The following RAD54L2 variants were observed in gnomAD, a reference collection of about 807,000 sequenced individuals.
The protein encoded by RAD54L2 is RAD54 like 2.
Under a neutral mutation model 138.4 loss-of-function variants are expected in RAD54L2, and 27 were observed. The ratio of observed to expected loss-of-function variants is 0.20; its 90% CI spans 0.14 to 0.27. RAD54L2 has a LOEUF of 0.27. Ranked by LOEUF, RAD54L2 falls within the 10% of genes least tolerant of loss-of-function variation. The pLI is 1.00. For missense variants in RAD54L2, 1,396 were observed against 1,890.2 expected, an observed-to-expected ratio of 0.74 and a Z score of 4.85; for synonymous variants, 644 against 723.2, an observed-to-expected ratio of 0.89 and a Z score of 1.76.
In RAD54L2 at chr3:51,638,350, A is replaced by G. The variant is rs1244921116; in HGVS notation, c.1860+29A>G. The G allele has an allele frequency of 6.2e-7, 1 of 1,611,694 alleles. No individual in the cohort carries two copies. Among genetic ancestry groups the G allele is most frequent in the Admixed American group, 1.7e-5 (1 of 59,988 alleles). On this transcript the variant is annotated intron_variant, in intron 12 of 22. Transcript: ENST00000684192. This position sits in a 1 kb window ranked among gnomAD's most constrained non-coding sequence, Gnocchi z 4.3. ...CATTGGGGCCTCAGGGAAGATTGAGATGGGGACTAAGGATACACATGGTCC... is the reference window on the plus strand; with the variant it reads ...CATTGGGGCCTCAGGGAAGATTGAGGTGGGGACTAAGGATACACATGGTCC...
Position 51,665,019 on chromosome 3 carries a change from C to A in RAD54L2, c.*1599C>A, listed in dbSNP as rs1030181629. 1 of 151,942 alleles carries A rather than the reference C, an allele frequency of 6.6e-6. No homozygotes were observed. Among genetic ancestry groups the A allele is most frequent in the African/African-American group, 2.4e-5 (1 of 41,332 alleles). The allele number at this position is 151,942 out of a possible 1,614,324, so 9.4% of individuals were successfully genotyped here. A position where few individuals can be genotyped will look rare whatever the true frequency, so the allele number is the denominator to read the frequency against. On this transcript the variant is annotated 3_prime_UTR_variant, in exon 23 of 23. Transcript: ENST00000684192. ...CATCTTTGAAGGAACATGGAGGAGC[C>A]CTTTCTCTGTAGGAGCCCTAAGTCT...
rs375707849 is a variant in RAD54L2 at position 51,646,384 on chromosome 3, C to T, written c.2929C>T (p.Arg977Cys). ...AAKKSYEEDK[R>C]TSVPYTRPSY... ...AAAGAAAAGCTATGAGGAAGACAAA[C>T]GCACATCAGTCCCCTATACCCGCCC... Residue 977 changes from arginine to cysteine, a missense_variant, in exon 19 of 23, where the codon CGC becomes TGC. This residue lies in a region of RAD54L2 where 634 missense variants were observed against 711.2 expected (regional missense o/e 0.89). Coordinates refer to ENST00000684192, the MANE Select transcript of RAD54L2 (RefSeq NM_015106.4). 13 of 1,613,502 alleles carry T rather than the reference C, an allele frequency of 8.1e-6. No individual in the cohort carries two copies. The highest frequency in any genetic ancestry group is 1.6e-4 in the Middle Eastern group (1 of 6,084).
rs754413740 is a variant in RAD54L2 at position 51,637,522 on chromosome 3, C to A, written c.1682+19C>A. On this transcript the variant is annotated intron_variant, in intron 11 of 22. Transcript: ENST00000684192. The surrounding 1 kb of genome is among the most constrained non-coding windows in gnomAD (Gnocchi z 5.9). ...TGCAGAGGTGAGCCATCCTCAGGGT[C>A]CTGCTTCCTGAATTTTCAGAGGGCC... 1.3e-6 allele frequency: 2 copies of A among 1,590,850 alleles called. No homozygotes were observed. The highest frequency in any genetic ancestry group is 2.3e-5 in the East Asian group (1 of 44,082).
At chr3:51,596,179 C>T (rs1185485531) in intron 3 of RAD54L2, among the ~76,000 whole-genome samples, 3 of 63,642 alleles carry the variant, frequency 4.7e-5, no homozygotes, top group Non-Finnish European at 1.0e-4. Context: ...CCACCCACCT[C>T]GGCCTCCCAA....
At position 51,558,473 on chromosome 3, in the gene RAD54L2, C is replaced by CTCTT. The variant is rs1210985170; in HGVS notation, c.-55+16826_-55+16827insTTCT. Among the ~76,000 whole-genome samples the CTCTT allele has an allele frequency of 1.5e-3, 223 of 151,556 alleles. 1 individual carries two copies. The highest frequency in any genetic ancestry group is 5.1e-3 in the African/African-American group (212 of 41,266). On this transcript the variant is annotated intron_variant, in intron 2 of 22. Transcript: ENST00000684192. ...TGAAGGTCCACTTCTCTCTCTCTCTCTCTCTTTTTTGAGACAGGGTCTTGC... is the reference window on the plus strand; with the variant it reads ...TGAAGGTCCACTTCTCTCTCTCTCTCTCTTTCTCTTTTTTGAGACAGGGTCTTGC...
chr3:51,622,739 G>T (rs890256264), intron 3 of RAD54L2, among the ~76,000 whole-genome samples: 4 of 152,196 alleles, frequency 2.6e-5, no homozygotes, highest in Non-Finnish European at 5.9e-5. Context: ...CAGGACAGGG[G>T]TTGACTTCTG....
chr3:51,641,849 C>G lies in RAD54L2; in HGVS notation c.2332C>G (p.Arg778Gly), dbSNP rs773432631. 1.3e-6 allele frequency: 2 copies of G among 1,588,208 alleles called. No individual in the cohort carries two copies. Among genetic ancestry groups the G allele is most frequent in the South Asian group, 1.2e-5 (1 of 86,900 alleles). The stretch of plus-strand genomic sequence containing the variant: ...GGGGCAAGGAGCACAGAAGTGGGTT[C>G]GAAACATCAGCTACTTCCGTGAGTT... ...TEGQGAQKWV[R>G]NISYFRLDGS... Residue 778 changes from arginine to glycine, a missense_variant, in exon 15 of 23, where the codon CGA (arginine) becomes GGA (glycine). This residue lies in a region of RAD54L2 where 211 missense variants were observed against 273.8 expected (regional missense o/e 0.77). Transcript: ENST00000684192.
chr3:51,579,364 A>T (rs1003236529), intron 2 of RAD54L2, among the ~76,000 whole-genome samples: 3 of 152,102 alleles, frequency 2.0e-5, no homozygotes, highest in Non-Finnish European at 2.9e-5. Context: ...ACTTTGGGCC[A>T]TGGTTCCAGG....
intron 2 of RAD54L2, among the ~76,000 whole-genome samples, chr3:51,558,488 C>A (rs946685807): frequency 6.8e-6 from 1 of 147,036 alleles, no homozygotes; most frequent in African/African-American, 2.5e-5. Flanking sequence ...TTTTTTGAGA[C>A]AGGGTCTTGC....
chr3:51,544,401 T>C lies in RAD54L2; in HGVS notation c.-55+2751T>C, dbSNP rs2053226. Among the ~76,000 whole-genome samples, 264 of 152,342 alleles carry C rather than the reference T, an allele frequency of 1.7e-3. 1 individual carries two copies. Among genetic ancestry groups the C allele is most frequent in the Admixed American group, 0.011 (175 of 15,288 alleles). On this transcript the variant is annotated intron_variant, in intron 2 of 22. Coordinates refer to ENST00000684192, the MANE Select transcript of RAD54L2 (RefSeq NM_015106.4). ...TCATAATTTTGAGGCTGGAGGGCTA[T>C]TACTTGCTTTTTTGGGTCTTGCAAA...
At chr3:51,577,284 A>G (rs1699501559) in intron 2 of RAD54L2, among the ~76,000 whole-genome samples, 1 of 152,214 alleles carries the variant, frequency 6.6e-6, no homozygotes, top group Non-Finnish European at 1.5e-5. Context: ...CAATTTTGGA[A>G]TAAGTGTGAT....
chr3:51,563,029 A>T (rs1380561568), intron 2 of RAD54L2, among the ~76,000 whole-genome samples: 1 of 152,124 alleles, frequency 6.6e-6, no homozygotes, highest in East Asian at 1.9e-4. Flanking sequence ...TCTTTCTTCA[A>T]AACTCTCTTT....
chr3:51,641,238 T>C (rs1307174368), intron 14 of RAD54L2, among the ~76,000 whole-genome samples: 1 of 152,164 alleles, frequency 6.6e-6, no homozygotes, highest in Non-Finnish European at 1.5e-5. Context: ...ACTCCTGACC[T>C]CAGGTGATCC....
intron 3 of RAD54L2, among the ~76,000 whole-genome samples, chr3:51,602,276 C>T (rs1324430831): frequency 1.3e-5 from 2 of 152,096 alleles, no homozygotes; most frequent in African/African-American, 4.8e-5. Context: ...TTCCGTCAGA[C>T]TACTGACTAT....
chr3:51,644,644 C>A (rs576195141), intron 16 of RAD54L2, among the ~76,000 whole-genome samples: 20 of 152,310 alleles, frequency 1.3e-4, no homozygotes, highest in African/African-American at 4.8e-4. Flanking sequence ...CTGCCTTCTG[C>A]CATCGTAATG....
chr3:51,650,197 A>G (rs1701392680), intron 19 of RAD54L2, among the ~76,000 whole-genome samples: 1 of 152,256 alleles, frequency 6.6e-6, no homozygotes, highest in Admixed American at 6.5e-5. Context: ...GAAGGCCATT[A>G]GACAATGGTA....
At chr3:51,647,129 G>T (rs1403066352) in intron 19 of RAD54L2, among the ~76,000 whole-genome samples, 1 of 152,056 alleles carries the variant, frequency 6.6e-6, no homozygotes, top group Non-Finnish European at 1.5e-5. Flanking sequence ...ACCTGATTCA[G>T]TAGTTTGCAT....
chr3:51,658,133 T>C, intron 21 of RAD54L2, among the ~76,000 whole-genome samples: 1 of 151,712 alleles, frequency 6.6e-6, no homozygotes, highest in African/African-American at 2.4e-5. Flanking sequence ...GGGGTTTCAT[T>C]ATGTTGGCCA....
At chr3:51,608,610 T>C (rs9866604) in intron 3 of RAD54L2, among the ~76,000 whole-genome samples, 7,355 of 152,270 alleles carry the variant, frequency 0.048, 584 homozygotes, top group African/African-American at 0.16. Flanking sequence ...AGATCACTCC[T>C]GGTCAGGAGC....
Sources: allele counts gnomAD v4.1 joint callset (sites outside exome capture counted in the v4.1 genomes callset), GRCh38; gene constraint gnomAD v4.1.1; regional missense constraint gnomAD v4.1.1; non-coding constraint Gnocchi (gnomAD v3.1); transcripts MANE v1.5; gene names NCBI Gene and HGNC (gene_info 2026-07-23, HGNC 2026-07-21).